AMPD1: variants seen among roughly 807,000 people sequenced by gnomAD.
The protein encoded by AMPD1 is AMP deaminase 1.
A neutral mutation model predicts 82.9 loss-of-function variants in AMPD1; 74 were observed. The observed-to-expected ratio is 0.89, with a 90% confidence interval of 0.74 to 1.08. AMPD1 has a LOEUF of 1.08. AMPD1 is among the 50% of genes least tolerant of loss of function. AMPD1 has a pLI of 0.00. For synonymous variants in AMPD1, 333 were observed against 320.5 expected (o/e 1.04, Z -0.42); for missense variants, 881 against 924.5 (o/e 0.95, Z 0.61).
At position 114,677,356 on chromosome 1, in the gene AMPD1, C is replaced by T. The variant is rs1371202947; in HGVS notation, c.1383G>A (p.Arg461=). The part of the protein sequence containing the change: ...PNMTWMIQVP[R]IYDVFRSKNF... ...TCTGATGGGCAGGTACATACTAGAT[C>T]CTGGGAACCTGGATCATCCATGTCA... Residue 461 remains arginine (R), a synonymous_variant, in exon 10 of 16, where the codon AGG becomes AGA. Coordinates refer to ENST00000520113, the MANE Select transcript of AMPD1 (RefSeq NM_000036.3). 1.2e-6 allele frequency: 2 copies of T among 1,609,508 alleles called. No homozygotes were observed. Among genetic ancestry groups the T allele is most frequent in the Admixed American group, 3.4e-5 (2 of 59,304 alleles).
In AMPD1 at chr1:114,686,773, A is replaced by G. The variant is rs777499844; in HGVS notation, c.353T>C (p.Val118Ala). ...AGAGGCATAGTCACCAGTAATCTGC[A>G]CTCTCTGAAAATCAGGCACGGTCTG... ...TYQTVPDFQR[V>A]QITGDYASGV... The change falls in exon 4 of 16, where the codon GTG becomes GCG. Residue 118 changes from valine (V) to alanine (A), a missense_variant. Physicochemically the swap from Val to Ala is moderately conservative, Grantham distance 64 (BLOSUM62 0). Around this residue, in one of 2 missense-constraint regions of AMPD1, gnomAD observed 783 missense variants for 786.4 expected, o/e 1.00. Transcript: ENST00000520113. 1 of 1,614,050 alleles carries G rather than the reference A, an allele frequency of 6.2e-7. No individual in the cohort carries two copies. Among genetic ancestry groups the G allele is most frequent in the South Asian group, 1.1e-5 (1 of 91,076 alleles).
intron 5 of AMPD1, among the ~76,000 whole-genome samples, chr1:114,682,715 A>T (rs1322486355): frequency 2.0e-5 from 3 of 151,958 alleles, no homozygotes; most frequent in African/African-American, 7.3e-5. Context: ...AGTAGCTGGG[A>T]CTACAGGCGC....
At chr1:114,684,961 G>A (rs576083291) in intron 4 of AMPD1, among the ~76,000 whole-genome samples, 10 of 152,262 alleles carry the variant, frequency 6.6e-5, no homozygotes, top group Non-Finnish European at 1.2e-4. Context: ...AGAGATTCTA[G>A]AGGAAAGCTT....
Position 114,677,480 on chromosome 1 carries a change from T to G in AMPD1, c.1259A>C (p.Gln420Pro), listed in dbSNP as rs1207724365. 1.2e-6 allele frequency: 2 copies of G among 1,613,516 alleles called. No individual in the cohort carries two copies. The highest frequency in any genetic ancestry group is 1.1e-5 in the South Asian group (1 of 91,024). Residue 420 changes from glutamine to proline, a missense_variant, in exon 10 of 16, where the codon CAG becomes CCG. Physicochemically the swap from Gln to Pro is moderately conservative, Grantham distance 76. Transcript: ENST00000520113. ...VGADLVEAKY[Q>P]HAEPRLSIYG... ...GATGGACAGGCGGGGCTCAGCATGC[T>G]GGTACTTGGCCTCCACCAGGTCCGC...
At chr1:114,692,495 G>A (rs746476096) in intron 2 of AMPD1, among the ~76,000 whole-genome samples, 4 of 152,028 alleles carry the variant, frequency 2.6e-5, no homozygotes, top group African/African-American at 7.3e-5. Flanking sequence ...AGACCAACCT[G>A]GCCAATGGTG....
chr1:114,674,252 T>A (rs1657917361), intron 13 of AMPD1, among the ~76,000 whole-genome samples, 170 bp from the exon 14 acceptor site: 1 of 152,208 alleles, frequency 6.6e-6, no homozygotes, highest in Non-Finnish European at 1.5e-5. Context: ...AAATGCTATT[T>A]AGAATAAATG....
intron 2 of AMPD1, among the ~76,000 whole-genome samples, chr1:114,691,389 C>T (rs576519985): frequency 6.7e-6 from 1 of 150,042 alleles, no homozygotes; most frequent in East Asian, 2.0e-4. Context: ...GAGAACCTCA[C>T]CTCCACAAAA....
Position 114,694,884 on chromosome 1 carries a change from T to C in AMPD1, c.22+566A>G, listed in dbSNP as rs189416570. ...AAGTAAAAAATAAAATTATTACTTT[T>C]ACTGAATTTCCCAACTTTCAAAACG... is the stretch of plus-strand genomic sequence containing the variant. On this transcript the variant is annotated intron_variant, in intron 1 of 15. Transcript: ENST00000520113. Among the ~76,000 whole-genome samples the C allele has an allele frequency of 7.0e-4, 106 of 152,350 alleles. 1 individual carries two copies. The East Asian group carries it at 0.017, about 24-fold the overall frequency.
rs959526511 is a variant in AMPD1, at chr1:114,677,947, TTGTC to T, written c.1183_1186del (p.Asp395IlefsTer15). 1.2e-6 allele frequency: 2 copies of T among 1,613,814 alleles called. No individual in the cohort carries two copies. Among genetic ancestry groups the T allele is most frequent in the Non-Finnish European group, 1.7e-6 (2 of 1,179,988 alleles). On this transcript the variant is annotated frameshift_variant, in exon 9 of 16. Coordinates refer to ENST00000520113, the MANE Select transcript of AMPD1 (RefSeq NM_000036.3). LOFTEE classifies it high-confidence loss of function. ...GGCAAAATATTCCCCATTAATGTAA[TTGTC>T]TGTCTTCAAGTAGAGGTCCCGTAGC...
rs553211633 is a variant in AMPD1, at chr1:114,677,512, C to T, written c.1227G>A (p.Glu409=). ...TGGCCTCCACCAGGTCCGCACCTAC[C>T]TCCTGCAAAGCCAAGAGAGAAGTCC... ...NGEYFATIIK[E]VGADLVEAKY... The change falls in exon 10 of 16, where the codon GAG becomes GAA. Residue 409 remains glutamate, a splice_region_variant and synonymous_variant. Coordinates refer to ENST00000520113, the MANE Select transcript of AMPD1 (RefSeq NM_000036.3). The T allele has an allele frequency of 1.9e-6, 3 of 1,613,700 alleles. No individual in the cohort carries two copies. Among genetic ancestry groups the T allele is most frequent in the Non-Finnish European group, 2.5e-6 (3 of 1,179,958 alleles).
intron 1 of AMPD1, 162 bp downstream of exon 1, chr1:114,695,288 A>G: frequency 8.7e-7 from 1 of 1,152,660 alleles, no homozygotes; most frequent in Non-Finnish European, 1.2e-6. Context: ...AACAAACAAA[A>G]AACCCTTGAA....
At chr1:114,694,269 C>A (rs910271032) in intron 1 of AMPD1, among the ~76,000 whole-genome samples, 2 of 151,578 alleles carry the variant, frequency 1.3e-5, no homozygotes, top group African/African-American at 4.8e-5. Context: ...ACCCCCAAAC[C>A]ATAAAGAACC....
chr1:114,689,440 C>T (rs1570853575), intron 2 of AMPD1, among the ~76,000 whole-genome samples: 2 of 152,108 alleles, frequency 1.3e-5, no homozygotes, highest in East Asian at 3.8e-4. Flanking sequence ...CTTGTACATA[C>T]CCTAATTTTC....
chr1:114,695,404 A>T, intron 1 of AMPD1, 46 bp downstream of exon 1: 1 of 1,607,414 alleles, frequency 6.2e-7, no homozygotes, highest in South Asian at 1.1e-5. Flanking sequence ...TCAAAAAAAA[A>T]AAAAAACAAC....
intron 3 of AMPD1, 152 bp downstream of exon 3, chr1:114,688,409 T>C: frequency 1.1e-6 from 1 of 900,564 alleles, no homozygotes; most frequent in Non-Finnish European, 1.8e-6. Context: ...ATTACATTTG[T>C]GAGCCACTGT....
In AMPD1 at chr1:114,674,001, C is replaced by T. The variant is rs1557967800; in HGVS notation, c.1882G>A (p.Glu628Lys). 1.4e-5 allele frequency: 23 copies of T among 1,613,934 alleles called. No individual in the cohort carries two copies. The highest frequency in any genetic ancestry group is 1.7e-5 in the Non-Finnish European group (20 of 1,179,878). Residue 628 changes from glutamate (E) to lysine (K), a missense_variant, in exon 14 of 16, where the codon GAG becomes AAG. Physicochemically the swap from Glu to Lys is moderately conservative, Grantham distance 56. Transcript: ENST00000520113. ...TCCAAAAAAGGATTTTTGGCATACT[C>T]TAGAAATAGGCTATTGTTACTTAGT... ...SPLSNNSLFLEYAKNPFLDFL... is the reference protein window; with the variant it reads ...SPLSNNSLFLKYAKNPFLDFL...
chr1:114,687,600 G>A (rs1329528655), intron 3 of AMPD1, among the ~76,000 whole-genome samples: 4 of 152,028 alleles, frequency 2.6e-5, no homozygotes, highest in Non-Finnish European at 2.9e-5. Context: ...CCTAAGGAGG[G>A]GGTTCCAGCA....
Position 114,675,922 on chromosome 1 carries a change from G to C in AMPD1, c.1470C>G (p.Thr490=). Residue 490 remains threonine (T), a synonymous_variant, in exon 11 of 16, where the codon ACC becomes ACG. Transcript: ENST00000520113. ...ENIFMPVFEA[T]INPQADPELS... ...GTTCTGGGTCAGCCTGGGGGTTGATGGTGGCCTCAAACACTGGCATGAAAA... is the reference window on the plus strand; with the variant it reads ...GTTCTGGGTCAGCCTGGGGGTTGATCGTGGCCTCAAACACTGGCATGAAAA... 1.2e-6 allele frequency: 2 copies of C among 1,614,156 alleles called. No individual in the cohort carries two copies. Among genetic ancestry groups the C allele is most frequent in the African/African-American group, 1.3e-5 (1 of 75,028 alleles).
chr1:114,679,696 G>A lies in AMPD1; in HGVS notation c.780C>T (p.Thr260=). Residue 260 remains threonine (T), a synonymous_variant, in exon 7 of 16, where the codon ACC becomes ACT. Coordinates refer to ENST00000520113, the MANE Select transcript of AMPD1 (RefSeq NM_000036.3). ...LIAQGPVKTY[T]HRRLKFLSSK... ...AGGAGAGGAACTTCAGGCGCCGGTG[G>A]GTATAGGTCTTACTGTGAAAAATAA... 6.2e-7 allele frequency: 1 copy of A among 1,613,638 alleles called. No homozygotes were observed. Among genetic ancestry groups the A allele is most frequent in the South Asian group, 1.1e-5 (1 of 91,040 alleles).
Sources: gnomAD v4.1 joint callset for allele counts (sites outside exome capture counted in the v4.1 genomes callset) on GRCh38, gnomAD v4.1.1 for gene constraint, gnomAD v4.1.1 regional missense constraint, MANE v1.5 for transcripts, NCBI Gene and HGNC (gene_info 2026-07-23, HGNC 2026-07-21) for gene names.